PTPRT: variants seen among roughly 807,000 people sequenced by gnomAD.
PTPRT encodes protein tyrosine phosphatase receptor type T.
PTPRT carries 56 observed loss-of-function variants against 176.8 expected under a neutral mutation model. The ratio of observed to expected loss-of-function variants is 0.32; its 90% CI spans 0.26 to 0.40. The LOEUF is 0.40. Ranked by LOEUF, PTPRT falls within the 10% of genes least tolerant of loss-of-function variation. The pLI is 1.00. For missense variants in PTPRT, 1,540 were observed against 1,908.2 expected (o/e 0.81, Z 3.60); for synonymous variants, 783 against 739.0 (o/e 1.06, Z -0.96).
chr20:42,136,016 T>C (rs767036855), intron 18 of PTPRT, among the ~76,000 whole-genome samples: 9 of 152,062 alleles, frequency 5.9e-5, no homozygotes, highest in Non-Finnish European at 1.0e-4. Flanking sequence ...GAGGGTTCAC[T>C]TTCCTCTTTC....
chr20:42,650,648 G>A (rs1483653339), intron 7 of PTPRT, among the ~76,000 whole-genome samples: 1 of 152,156 alleles, frequency 6.6e-6, no homozygotes, highest in East Asian at 1.9e-4. Context: ...TTTATTCTCT[G>A]CTGCTTGCAT....
chr20:42,423,341 C>T (rs920116774), intron 9 of PTPRT, among the ~76,000 whole-genome samples: 2 of 152,206 alleles, frequency 1.3e-5, no homozygotes, highest in South Asian at 4.2e-4. Flanking sequence ...GTATCAGGCC[C>T]CAGGGAATGA....
At chr20:42,246,642 G>A (rs534397371) in intron 14 of PTPRT, among the ~76,000 whole-genome samples, 2 of 152,344 alleles carry the variant, frequency 1.3e-5, no homozygotes, top group South Asian at 4.1e-4. Context: ...AGAAATAGCT[G>A]TGAGAAGGAA....
chr20:42,934,468 C>T (rs1000443091), intron 1 of PTPRT, among the ~76,000 whole-genome samples: 23 of 152,178 alleles, frequency 1.5e-4, no homozygotes, highest in Non-Finnish European at 3.2e-4. Flanking sequence ...AGGCAGAGCT[C>T]AGCTGGGTCC....
At chr20:42,838,653 G>T (rs1165583202) in intron 2 of PTPRT, among the ~76,000 whole-genome samples, 1 of 152,178 alleles carries the variant, frequency 6.6e-6, no homozygotes, top group African/African-American at 2.4e-5. Flanking sequence ...CAGAAGGGTT[G>T]GGATATAAAA....
intron 7 of PTPRT, among the ~76,000 whole-genome samples, chr20:42,500,147 A>G (rs1369628373): frequency 6.6e-6 from 1 of 151,896 alleles, no homozygotes; most frequent in East Asian, 1.9e-4. Flanking sequence ...TTGTTTTGAT[A>G]TATGTTTTAT....
At chr20:42,979,009 T>C (rs535910698) in intron 1 of PTPRT, among the ~76,000 whole-genome samples, 136 of 152,384 alleles carry the variant, frequency 8.9e-4, no homozygotes, top group African/African-American at 3.2e-3. Context: ...AATTCTTTCT[T>C]GCACGAGATC....
At chr20:42,351,147 C>G (rs2058277950) in intron 10 of PTPRT, among the ~76,000 whole-genome samples, 2 of 151,414 alleles carry the variant, frequency 1.3e-5, no homozygotes, top group South Asian at 4.2e-4. Context: ...CCTCCCTTCC[C>G]TCATACTCAG....
At chr20:42,556,564 C>T (rs2903587) in intron 7 of PTPRT, among the ~76,000 whole-genome samples, 78 of 1,064 alleles carry the variant, frequency 0.073, 1 homozygote, top group East Asian at 0.27. Flanking sequence ...ATATATATAT[C>T]CCCTATCTAT....
chr20:42,712,301 A>C (rs1430261703), intron 6 of PTPRT, among the ~76,000 whole-genome samples: 1 of 152,176 alleles, frequency 6.6e-6, no homozygotes, highest in Non-Finnish European at 1.5e-5. Flanking sequence ...CTCAGGCCAC[A>C]ACTGGCTTGG....
chr20:43,116,579 T>C (rs1347372457), intron 1 of PTPRT, among the ~76,000 whole-genome samples: 1 of 152,172 alleles, frequency 6.6e-6, no homozygotes, highest in African/African-American at 2.4e-5. Flanking sequence ...AAGACTTAGC[T>C]CACACATTAT....
intron 7 of PTPRT, among the ~76,000 whole-genome samples, chr20:42,536,651 A>C (rs993606027): frequency 6.6e-6 from 1 of 152,220 alleles, no homozygotes; most frequent in African/African-American, 2.4e-5. Context: ...TTAAATAAGG[A>C]CATACATAAA....
chr20:42,441,143 C>T (rs903945037), intron 9 of PTPRT, among the ~76,000 whole-genome samples: 1 of 152,232 alleles, frequency 6.6e-6, no homozygotes, highest in Admixed American at 6.5e-5. Context: ...GGGTTCAAGT[C>T]TGTTGCGGGC....
chr20:42,224,386 C>T (rs938927053), intron 15 of PTPRT, among the ~76,000 whole-genome samples: 18 of 152,314 alleles, frequency 1.2e-4, no homozygotes, highest in Admixed American at 1.0e-3. Flanking sequence ...TAAGGATTGT[C>T]TACCTCAATA....
At chr20:42,993,245 T>C (rs6030592) in intron 1 of PTPRT, among the ~76,000 whole-genome samples, 60,324 of 149,892 alleles carry the variant, frequency 0.4, 13,922 homozygotes, top group African/African-American at 0.64. Context: ...GGTGAAACCC[T>C]GTCTCTACTA....
chr20:42,289,632 G>A (rs2057287353), intron 12 of PTPRT, among the ~76,000 whole-genome samples: 1 of 152,068 alleles, frequency 6.6e-6, no homozygotes. Context: ...AATAACAGAT[G>A]TTGGCAAGGT....
intron 14 of PTPRT, among the ~76,000 whole-genome samples, chr20:42,246,444 C>T (rs1229859294): frequency 6.6e-6 from 1 of 152,096 alleles, no homozygotes; most frequent in Admixed American, 6.5e-5. Flanking sequence ...GTTTTGCCTC[C>T]TGGGGAGAAA....
intron 7 of PTPRT, among the ~76,000 whole-genome samples, chr20:42,593,876 G>A (rs1365141113): frequency 2.0e-5 from 3 of 152,174 alleles, no homozygotes; most frequent in Non-Finnish European, 4.4e-5. Context: ...GAAAATATTG[G>A]GAGGAGACGA....
intron 9 of PTPRT, among the ~76,000 whole-genome samples, chr20:42,361,983 G>C (rs1164571710): frequency 6.6e-6 from 1 of 152,190 alleles, no homozygotes; most frequent in African/African-American, 2.4e-5. Context: ...AAAGGAAACA[G>C]TAAATGCTTA....
Sources: gnomAD v4.1 joint callset for allele counts (sites outside exome capture counted in the v4.1 genomes callset) on GRCh38, gnomAD v4.1.1 for gene constraint, MANE v1.5 for transcripts, NCBI Gene and HGNC (gene_info 2026-07-23, HGNC 2026-07-21) for gene names.